LAMC2: variants seen among roughly 807,000 people sequenced by gnomAD.
LAMC2 encodes laminin subunit gamma 2.
LAMC2 carries 97 observed loss-of-function variants against 140.2 expected under a neutral mutation model. That is an observed-to-expected ratio of 0.69 (90% CI 0.59 to 0.82). The LOEUF (loss-of-function observed/expected upper bound fraction) is 0.82, where lower values mean the gene tolerates loss of function less well. Among genes scored for constraint, LAMC2 ranks in the 40% least tolerant of loss-of-function variants. The pLI is 0.00. For synonymous variants in LAMC2, 513 were observed against 540.2 expected (o/e 0.95, Z 0.70); for missense variants, 1,402 against 1,476.1 (o/e 0.95, Z 0.82).
In LAMC2 at chr1:183,207,773, A is replaced by G. The variant is rs77287587; in HGVS notation, c.80-108A>G. On this transcript the variant is annotated intron_variant, in intron 1 of 22. Coordinates refer to ENST00000264144, the MANE Select transcript of LAMC2 (RefSeq NM_005562.3). ...CCGCAAGGAGTGTAGGTTACCATAT[A>G]GTACTCATGCATAATTTCTATCAAT... is the stretch of plus-strand genomic sequence containing the variant. 2,210 of 956,876 alleles carry G rather than the reference A, an allele frequency of 2.3e-3. 46 individuals carry two copies. In the African/African-American group the frequency reaches 0.032, roughly 14 times the overall value. The allele number at this position is 956,876 out of a possible 1,614,324, so 59.3% of individuals were successfully genotyped here.
Position 183,228,466 on chromosome 1 carries a change from A to T in LAMC2, c.1561A>T (p.Asn521Tyr). The T allele has an allele frequency of 6.2e-7, 1 of 1,613,950 alleles. No individual in the cohort carries two copies. The highest frequency in any genetic ancestry group is 8.5e-7 in the Non-Finnish European group (1 of 1,179,988). The change falls in exon 11 of 23, where the codon AAC (asparagine) becomes TAC (tyrosine). Residue 521 changes from asparagine to tyrosine, a missense_variant. Physicochemically the swap from Asn to Tyr is moderately radical, Grantham distance 143. Transcript: ENST00000264144. The surrounding 1 kb of genome is among the most constrained non-coding windows in gnomAD (Gnocchi z 4.3). ...GCCTTGTCAGCCCTGTCAATGCAAC[A>T]ACAATGTGGACCCCAGTGCCTCTGG... ...VRPCQPCQCNNNVDPSASGNC... is the reference protein window; with the variant it reads ...VRPCQPCQCNYNVDPSASGNC...
At position 183,230,967 on chromosome 1, in the gene LAMC2, A is replaced by G. The variant is rs1033144962; in HGVS notation, c.1721A>G (p.Asn574Ser). ...PNPADKCRAC[N>S]CNPMGSEPVG... ...ATTTGTCTTTTGTCTCTAGCTTGCA[A>G]CTGTAACCCCATGGGCTCAGAGCCT... Residue 574 changes from asparagine to serine, a missense_variant, in exon 12 of 23, where the codon AAC becomes AGC. Coordinates refer to ENST00000264144, the MANE Select transcript of LAMC2 (RefSeq NM_005562.3). 2.5e-5 allele frequency: 41 copies of G among 1,614,042 alleles called. No homozygotes were observed. Among genetic ancestry groups the G allele is most frequent in the Middle Eastern group, 3.3e-4 (2 of 6,084 alleles).
Position 183,228,900 on chromosome 1 carries a change from G to A in LAMC2, c.1714+281G>A, listed in dbSNP as rs138063174. 6.6e-6 allele frequency among the ~76,000 whole-genome samples: 1 copy of A among 152,282 alleles called. No individual in the cohort carries two copies. The highest frequency in any genetic ancestry group is 1.9e-4 in the East Asian group (1 of 5,174). On this transcript the variant is annotated intron_variant, in intron 11 of 22. Transcript: ENST00000264144. The surrounding 1 kb of genome is among the most constrained non-coding windows in gnomAD (Gnocchi z 4.3). ...CTACGCGGAAAAGGATGTAACACGGGGCCACATCCTATGCCCAATCCCAAG... is the reference window on the plus strand; with the variant it reads ...CTACGCGGAAAAGGATGTAACACGGAGCCACATCCTATGCCCAATCCCAAG...
At chr1:183,199,455 T>C (rs1475360128) in intron 1 of LAMC2, among the ~76,000 whole-genome samples, 1 of 151,810 alleles carries the variant, frequency 6.6e-6, no homozygotes, top group Non-Finnish European at 1.5e-5. Flanking sequence ...TTTCCTTCCT[T>C]CCTCCCTCCC....
chr1:183,204,492 C>A (rs1202914704), intron 1 of LAMC2, among the ~76,000 whole-genome samples: 3 of 148,748 alleles, frequency 2.0e-5, no homozygotes, highest in African/African-American at 5.0e-5. Flanking sequence ...ATTAGTTGGG[C>A]ATGGTGGCAC....
chr1:183,208,059 T>C lies in LAMC2; in HGVS notation c.258T>C (p.Cys86=), dbSNP rs776733393. The C allele has an allele frequency of 1.9e-6, 3 of 1,613,680 alleles. No homozygotes were observed. Among genetic ancestry groups the C allele is most frequent in the Non-Finnish European group, 2.5e-6 (3 of 1,179,874 alleles). The change falls in exon 2 of 23, where the codon TGT becomes TGC. Residue 86 remains cysteine, a synonymous_variant. Transcript: ENST00000264144. The part of the protein sequence containing the change: ...RERDRCLPCN[C]NSKGSLSARC... ...GGGACCGCTGTTTGCCCTGCAATTG[T>C]AACTCCAAAGGTAGCTGAAAAGGAC...
intron 4 of LAMC2, among the ~76,000 whole-genome samples, chr1:183,220,583 T>C (rs1267836232): frequency 6.6e-6 from 1 of 151,276 alleles, no homozygotes; most frequent in Non-Finnish European, 1.5e-5. Flanking sequence ...AAGACAAATG[T>C]GGCTCTGTTC....
intron 1 of LAMC2, among the ~76,000 whole-genome samples, chr1:183,193,329 G>C (rs754934766): frequency 1.3e-5 from 2 of 152,176 alleles, no homozygotes; most frequent in African/African-American, 2.4e-5. Context: ...ATAGTACTGT[G>C]ATAAGACTTT....
chr1:183,227,139 C>T (rs1186330462), intron 9 of LAMC2, among the ~76,000 whole-genome samples: 1 of 152,134 alleles, frequency 6.6e-6, no homozygotes, highest in Non-Finnish European at 1.5e-5. Flanking sequence ...AGGAAATGGT[C>T]GTCATGGTTC....
intron 1 of LAMC2, among the ~76,000 whole-genome samples, chr1:183,197,401 G>A (rs992126818): frequency 1.3e-5 from 2 of 152,116 alleles, no homozygotes; most frequent in Admixed American, 6.6e-5. Context: ...TGAGCTGGGC[G>A]CAGTGACTCG....
chr1:183,208,974 T>C (rs1184053085), intron 2 of LAMC2, among the ~76,000 whole-genome samples: 1 of 148,948 alleles, frequency 6.7e-6, no homozygotes, highest in Non-Finnish European at 1.5e-5. Flanking sequence ...CCACCGCGCC[T>C]GGCTAGTTGT....
intron 2 of LAMC2, among the ~76,000 whole-genome samples, chr1:183,209,000 T>A (rs2102198817): frequency 6.7e-6 from 1 of 149,636 alleles, no homozygotes; most frequent in Middle Eastern, 3.4e-3. Flanking sequence ...TTTTTTTTTT[T>A]AAAGTATCCC....
intron 22 of LAMC2, chr1:183,240,635 C>A: frequency 1.4e-6 from 2 of 1,406,950 alleles, no homozygotes; most frequent in Non-Finnish European, 9.2e-7. Context: ...GGTCTGTGGG[C>A]CAAAGAACAG....
intron 3 of LAMC2, among the ~76,000 whole-genome samples, chr1:183,216,798 T>G (rs1394286138): frequency 6.6e-6 from 1 of 152,112 alleles, no homozygotes; most frequent in Non-Finnish European, 1.5e-5. Flanking sequence ...TGCTTCTGTG[T>G]CCCCATGCCT....
At chr1:183,235,829 AC>A in intron 16 of LAMC2, 99 bp downstream of exon 16, 1 of 1,237,472 alleles carries the variant, frequency 8.1e-7, no homozygotes, top group South Asian at 1.3e-5. Flanking sequence ...GTTGTAAAAA[AC>A]ATATTATTAA....
At chr1:183,236,908 C>CTTGA (rs1343340599) in intron 17 of LAMC2, among the ~76,000 whole-genome samples, 1 of 152,108 alleles carries the variant, frequency 6.6e-6, no homozygotes, top group Non-Finnish European at 1.5e-5. Flanking sequence ...TTTGTTTACG[C>CTTGA]TTGAGTCCAA....
In LAMC2 at chr1:183,208,037, A is replaced by G; in HGVS notation, c.236A>G (p.Asp79Gly). 2 of 1,614,086 alleles carry G rather than the reference A, an allele frequency of 1.2e-6. No individual in the cohort carries two copies. The highest frequency in any genetic ancestry group is 1.7e-6 in the Non-Finnish European group (2 of 1,180,012). The change falls in exon 2 of 23, where the codon GAC becomes GGC. Residue 79 changes from aspartate to glycine, a missense_variant. Around this residue, in one of 3 missense-constraint regions of LAMC2, gnomAD observed 723 missense variants for 783.3 expected, o/e 0.92. Transcript: ENST00000264144. ...GGCTTTTACCGGCACAGAGAAAGGG[A>G]CCGCTGTTTGCCCTGCAATTGTAAC... ...KNGFYRHRERDRCLPCNCNSK... is the reference protein window; with the variant it reads ...KNGFYRHRERGRCLPCNCNSK...
chr1:183,252,561 G>A, the LAMC2 span: 1 of 1,015,240 alleles, frequency 9.8e-7, no homozygotes, highest in East Asian at 2.4e-5. Flanking sequence ...ACGAGGAGAT[G>A]GAGAAACAGA....
In LAMC2 at chr1:183,232,361, C is replaced by T; in HGVS notation, c.2014+18C>T. On this transcript the variant is annotated intron_variant, in intron 13 of 22. Coordinates refer to ENST00000264144, the MANE Select transcript of LAMC2 (RefSeq NM_005562.3). ...TTCAGAAGGTGATGAAGGCCAACTT[C>T]CCTTCAGACAGAAGAGAATTCATAG... 6.2e-7 allele frequency: 1 copy of T among 1,613,634 alleles called. No individual in the cohort carries two copies. The highest frequency in any genetic ancestry group is 1.1e-5 in the South Asian group (1 of 91,040).
Sources: gnomAD v4.1 joint callset for allele counts (sites outside exome capture counted in the v4.1 genomes callset) on GRCh38, gnomAD v4.1.1 for gene constraint, gnomAD v4.1.1 regional missense constraint, Gnocchi (gnomAD v3.1) non-coding constraint, MANE v1.5 for transcripts, NCBI Gene and HGNC (gene_info 2026-07-23, HGNC 2026-07-21) for gene names.